Variants in CALCRL observed in about 807,000 individuals in gnomAD.
CALCRL encodes the protein calcitonin gene-related peptide type 1 receptor.
CALCRL carries 27 observed loss-of-function variants against 60.4 expected under a neutral mutation model. The observed-to-expected ratio is 0.45, with a 90% CI of 0.33 to 0.62. The LOEUF (loss-of-function observed/expected upper bound fraction) is 0.62, where lower values mean the gene tolerates loss of function less well. Among genes scored for constraint, CALCRL ranks in the 20% least tolerant of loss-of-function variants. CALCRL has a pLI of 0.03. For missense variants in CALCRL, 424 were observed against 540.7 expected, an observed-to-expected ratio of 0.78 and a Z score of 2.14; for synonymous variants, 190 against 182.6, an observed-to-expected ratio of 1.04 and a Z score of -0.33.
chr2:187,396,264 GA>G (rs1408586061), intron 1 of CALCRL, among the ~76,000 whole-genome samples: 7 of 151,528 alleles, frequency 4.6e-5, no homozygotes, highest in African/African-American at 1.7e-4. Context: ...TCTTACTTTT[GA>G]AAGGCCATTC....
intron 1 of CALCRL, among the ~76,000 whole-genome samples, chr2:187,395,082 A>G (rs770699144): frequency 9.9e-5 from 15 of 152,054 alleles, no homozygotes; most frequent in Non-Finnish European, 1.9e-4. Context: ...TCTGTTAGTC[A>G]TGGCAGTAAT....
At chr2:187,350,227 G>A (rs528304148) in intron 14 of CALCRL, among the ~76,000 whole-genome samples, 6 of 151,674 alleles carry the variant, frequency 4.0e-5, no homozygotes, top group African/African-American at 1.4e-4. Flanking sequence ...TAGATACAGA[G>A]GTCTACCTTT....
chr2:187,396,734 G>C (rs1688670683), intron 1 of CALCRL, among the ~76,000 whole-genome samples: 1 of 151,698 alleles, frequency 6.6e-6, no homozygotes, highest in Admixed American at 6.6e-5. Flanking sequence ...TATTTTTGAA[G>C]AGATGCCTAA....
At chr2:187,440,164 T>C (rs4667165) in intron 1 of CALCRL, among the ~76,000 whole-genome samples, 10,539 of 152,064 alleles carry the variant, frequency 0.069, 495 homozygotes, top group East Asian at 0.19. Flanking sequence ...ATGGATATAC[T>C]GTAGTAACTG....
At chr2:187,446,777 A>G (rs923066873) in intron 1 of CALCRL, among the ~76,000 whole-genome samples, 2 of 151,846 alleles carry the variant, frequency 1.3e-5, no homozygotes, top group Non-Finnish European at 1.5e-5. Flanking sequence ...AAAGAATCAC[A>G]AATCTAAGAA....
At chr2:187,402,065 A>G (rs1012165475) in intron 1 of CALCRL, among the ~76,000 whole-genome samples, 5 of 151,668 alleles carry the variant, frequency 3.3e-5, no homozygotes, top group Non-Finnish European at 7.4e-5. Flanking sequence ...CACTTTAAAA[A>G]TTGTTATTTT....
At chr2:187,412,441 G>A (rs1013153648) in intron 1 of CALCRL, among the ~76,000 whole-genome samples, 1 of 152,084 alleles carries the variant, frequency 6.6e-6, no homozygotes, top group Non-Finnish European at 1.5e-5. Context: ...TTGCAAATTC[G>A]CTTATCTCTC....
chr2:187,441,413 G>A (rs943119205), intron 1 of CALCRL, among the ~76,000 whole-genome samples: 1 of 152,018 alleles, frequency 6.6e-6, no homozygotes, highest in African/African-American at 2.4e-5. Flanking sequence ...TAGAGTGGCA[G>A]CCAGTATGGA....
At chr2:187,436,768 A>G (rs1690662065) in intron 1 of CALCRL, 1 of 152,202 alleles carries the variant, frequency 6.6e-6, no homozygotes, top group South Asian at 2.1e-4. Context: ...GGATTTTTAT[A>G]ATCTAACAAA....
Position 187,345,993 on chromosome 2 carries a change from C to T in CALCRL, c.*191G>A, listed in dbSNP as rs1686254081. On this transcript the variant is annotated 3_prime_UTR_variant, in exon 15 of 15. Coordinates refer to ENST00000392370, the MANE Select transcript of CALCRL (RefSeq NM_005795.6). ...GTATTTACTGACAAACATTACAAAC[C>T]AGGATTTCTTTTTTCCCACATAGAG... The T allele has an allele frequency of 2.1e-6, 1 of 478,028 alleles. No homozygotes were observed. The highest frequency in any genetic ancestry group is 3.5e-5 in the South Asian group (1 of 28,650). 29.6% of individuals were successfully genotyped at this position (478,028 alleles called of 1,614,324 possible). A position where few individuals can be genotyped will look rare whatever the true frequency, so the allele number is the denominator to read the frequency against.
At position 187,415,582 on chromosome 2, in the gene CALCRL, C is replaced by A. The variant is rs555934263; in HGVS notation, c.-292-27826G>T. 22 of 545,978 alleles carry A rather than the reference C, an allele frequency of 4.0e-5. No homozygotes were observed. In the East Asian group the frequency reaches 6.5e-4, roughly 16 times the overall value. The allele number at this position is 545,978 out of a possible 1,614,324, so 33.8% of individuals were successfully genotyped here. ...TGTGTCAGTGGTGGACCTGACCTGC[C>A]GTCTGGAAAAACCTGCCAATTATGA... On this transcript the variant is annotated intron_variant, in intron 1 of 14. Coordinates refer to ENST00000392370, the MANE Select transcript of CALCRL (RefSeq NM_005795.6).
chr2:187,438,241 A>G (rs1690734828), intron 1 of CALCRL, among the ~76,000 whole-genome samples: 1 of 152,194 alleles, frequency 6.6e-6, no homozygotes, highest in Admixed American at 6.5e-5. Context: ...AGGCTTTCAA[A>G]CAAATTATGA....
chr2:187,365,924 G>A (rs1352564221), intron 8 of CALCRL, among the ~76,000 whole-genome samples: 1 of 152,130 alleles, frequency 6.6e-6, no homozygotes, highest in Non-Finnish European at 1.5e-5. Flanking sequence ...GGAGAGATTT[G>A]TTAAAGGATA....
chr2:187,376,792 A>G (rs6744012), intron 8 of CALCRL, among the ~76,000 whole-genome samples: 103,931 of 151,982 alleles, frequency 0.68, 35,719 homozygotes, highest in East Asian at 0.87. Flanking sequence ...AAATGTAATT[A>G]TTATACTTTG....
intron 1 of CALCRL, among the ~76,000 whole-genome samples, chr2:187,438,857 T>TCCC: frequency 6.6e-6 from 1 of 152,304 alleles, no homozygotes; most frequent in East Asian, 1.9e-4. Flanking sequence ...GAAATACATA[T>TCCC]TAGGTTGAAG....
rs1179010202 is a variant in CALCRL at position 187,383,185 on chromosome 2, G to C, written c.172C>G (p.Gln58Glu). 2 of 1,608,530 alleles carry C rather than the reference G, an allele frequency of 1.2e-6. No homozygotes were observed. The highest frequency in any genetic ancestry group is 2.7e-5 in the African/African-American group (2 of 74,650). ...TAGCCATGCTTACCTTCTGCTTGTT[G>C]AATGGGGTCTTGCATAATCTTTTGG... Reference protein sequence around the residue: ...CYQKIMQDPIQQAEGVYCNRT... With the variant: ...CYQKIMQDPIEQAEGVYCNRT... The change falls in exon 5 of 15, where the codon CAA (glutamine) becomes GAA (glutamate). Residue 58 changes from glutamine to glutamate, a missense_variant. Physicochemically the swap from Gln to Glu is conservative, Grantham distance 29. Coordinates refer to ENST00000392370, the MANE Select transcript of CALCRL (RefSeq NM_005795.6).
chr2:187,412,093 C>T (rs1689392611), intron 1 of CALCRL, among the ~76,000 whole-genome samples: 2 of 151,188 alleles, frequency 1.3e-5, no homozygotes, highest in South Asian at 2.1e-4. Context: ...GGATCTGGGA[C>T]AGTAATGGCA....
chr2:187,410,032 T>C (rs1689292738), intron 1 of CALCRL, among the ~76,000 whole-genome samples: 3 of 152,188 alleles, frequency 2.0e-5, no homozygotes, highest in East Asian at 3.9e-4. Flanking sequence ...GGCAAACCTG[T>C]GTTTTCAGTA....
intron 9 of CALCRL, among the ~76,000 whole-genome samples, chr2:187,362,105 A>G (rs1453718314): frequency 6.6e-6 from 1 of 152,068 alleles, no homozygotes; most frequent in Non-Finnish European, 1.5e-5. Context: ...AAACCATTAC[A>G]ATAAAAAAGA....
Sources: gnomAD v4.1 joint callset for allele counts (sites outside exome capture counted in the v4.1 genomes callset) on GRCh38, gnomAD v4.1.1 for gene constraint, MANE v1.5 for transcripts, NCBI Gene and HGNC (gene_info 2026-07-23, HGNC 2026-07-21) for gene names.